Variants in CNTNAP2 observed in about 807,000 individuals in gnomAD.
The protein encoded by CNTNAP2 is contactin-associated protein-like 2.
A neutral mutation model predicts 155.2 loss-of-function variants in CNTNAP2; 98 were observed. That is an observed-to-expected ratio of 0.63 (90% CI 0.54 to 0.75). CNTNAP2 has a LOEUF of 0.75. CNTNAP2 is among the 30% of genes least tolerant of loss of function. The probability of loss-of-function intolerance (pLI) is 0.00; values close to 1 mark genes in which losing one functional copy is unlikely to be tolerated. For synonymous variants in CNTNAP2, 651 were observed against 631.2 expected (o/e 1.03, Z -0.47); for missense variants, 1,727 against 1,688.1 (o/e 1.02, Z -0.40).
intron 2 of CNTNAP2, among the ~76,000 whole-genome samples, chr7:146,811,505 A>T (rs1156957066): frequency 5.3e-5 from 8 of 151,540 alleles, no homozygotes; most frequent in African/African-American, 1.9e-4. Context: ...TTATAATTTT[A>T]TTTACTTTGT....
In CNTNAP2 at chr7:146,877,539, T is replaced by C. The variant is rs79138650; in HGVS notation, c.402+37635T>C. 4.3e-3 allele frequency among the ~76,000 whole-genome samples: 646 copies of C among 151,550 alleles called. 7 individuals carry two copies. Among genetic ancestry groups the C allele is most frequent in the African/African-American group, 0.014 (581 of 41,358 alleles). On this transcript the variant is annotated intron_variant, in intron 3 of 23. Coordinates refer to ENST00000361727, the MANE Select transcript of CNTNAP2 (RefSeq NM_014141.6). The stretch of plus-strand genomic sequence containing the variant: ...TATATATATAAAATATGTGTATATG[T>C]GTATATAAATAATATGTGTATACTA...
chr7:147,595,827 CT>C (rs1800817040), intron 12 of CNTNAP2, among the ~76,000 whole-genome samples: 1 of 152,164 alleles, frequency 6.6e-6, no homozygotes, highest in Admixed American at 6.5e-5. Context: ...TACACTGTGT[CT>C]AACTTAGAAT....
intron 1 of CNTNAP2, among the ~76,000 whole-genome samples, chr7:146,761,025 G>A (rs1802088110): frequency 6.6e-6 from 1 of 151,792 alleles, no homozygotes; most frequent in South Asian, 2.1e-4. Flanking sequence ...TGCCAAACAG[G>A]GTCAAATGAA....
chr7:147,602,322 C>G (rs1242147251), intron 12 of CNTNAP2, among the ~76,000 whole-genome samples: 1 of 150,526 alleles, frequency 6.6e-6, no homozygotes, highest in South Asian at 2.1e-4. Flanking sequence ...TCAATGAAAC[C>G]TAATGTTTGT....
At chr7:148,364,697 C>T (rs1201300042) in intron 21 of CNTNAP2, among the ~76,000 whole-genome samples, 2 of 152,282 alleles carry the variant, frequency 1.3e-5, no homozygotes, top group East Asian at 3.9e-4. Context: ...ATTGTAAACG[C>T]ACCAATCAGT....
chr7:148,345,940 GA>G (rs1798319338), intron 21 of CNTNAP2, among the ~76,000 whole-genome samples: 2 of 152,078 alleles, frequency 1.3e-5, no homozygotes, highest in African/African-American at 4.8e-5. Flanking sequence ...CTGGGCTTTG[GA>G]ATCTCTGTTG....
intron 12 of CNTNAP2, among the ~76,000 whole-genome samples, chr7:147,567,584 T>C (rs189487280): frequency 4.0e-4 from 61 of 152,188 alleles, no homozygotes; most frequent in Non-Finnish European, 6.9e-4. Flanking sequence ...TTGATGGGTA[T>C]TTAAGAAGAG....
At chr7:146,560,192 G>A (rs1276218898) in intron 1 of CNTNAP2, among the ~76,000 whole-genome samples, 1 of 152,058 alleles carries the variant, frequency 6.6e-6, no homozygotes, top group Non-Finnish European at 1.5e-5. Flanking sequence ...AGTCCACCAA[G>A]TCAAGGTGCA....
chr7:146,235,665 T>G (rs1398456982), intron 1 of CNTNAP2, among the ~76,000 whole-genome samples: 1 of 152,080 alleles, frequency 6.6e-6, no homozygotes, highest in African/African-American at 2.4e-5. Context: ...ACTTCCAGCC[T>G]GTGGTGTTTT....
At chr7:146,248,131 C>T (rs1324283665) in intron 1 of CNTNAP2, among the ~76,000 whole-genome samples, 6 of 150,786 alleles carry the variant, frequency 4.0e-5, no homozygotes, top group Admixed American at 6.6e-5. Context: ...GGCTGGGGCA[C>T]GGAAATAAGG....
intron 13 of CNTNAP2, among the ~76,000 whole-genome samples, chr7:147,652,717 G>A (rs1279914811): frequency 6.6e-6 from 1 of 151,732 alleles, no homozygotes; most frequent in East Asian, 1.9e-4. Context: ...AGTTAGAAAG[G>A]AAGGAAGGGG....
chr7:147,388,695 C>T (rs112705424), intron 9 of CNTNAP2, among the ~76,000 whole-genome samples: 1 of 152,148 alleles, frequency 6.6e-6, no homozygotes, highest in Non-Finnish European at 1.5e-5. Flanking sequence ...TTTCTCCTGC[C>T]TCAGTCTCCC....
At chr7:147,965,975 A>G (rs369692943) in intron 14 of CNTNAP2, among the ~76,000 whole-genome samples, 13 of 152,300 alleles carry the variant, frequency 8.5e-5, no homozygotes, top group East Asian at 1.9e-4. Flanking sequence ...TACAGACTTC[A>G]GAGATGGGTA....
chr7:147,562,549 A>G (rs1382254750), intron 12 of CNTNAP2, among the ~76,000 whole-genome samples: 1 of 152,200 alleles, frequency 6.6e-6, no homozygotes, highest in Non-Finnish European at 1.5e-5. Flanking sequence ...GTTCAGCCCA[A>G]AGAAAGAACT....
intron 14 of CNTNAP2, among the ~76,000 whole-genome samples, chr7:147,966,177 G>A (rs1366166827): frequency 2.6e-5 from 4 of 152,000 alleles, no homozygotes; most frequent in African/African-American, 9.7e-5. Flanking sequence ...TTTAGAAATG[G>A]CATCAAGAAG....
intron 1 of CNTNAP2, among the ~76,000 whole-genome samples, chr7:146,122,568 AACTAGTAAAGAATAAG>A (rs2116720961): frequency 6.6e-6 from 1 of 152,324 alleles, no homozygotes; most frequent in South Asian, 2.1e-4. Flanking sequence ...ATAGTTTAGA[AACTAGTAAAGAATAAG>A]ACTTGGTTTT....
intron 8 of CNTNAP2, among the ~76,000 whole-genome samples, chr7:147,259,777 G>A (rs369088933): frequency 3.3e-5 from 5 of 152,296 alleles, no homozygotes; most frequent in South Asian, 2.1e-4. Context: ...AAATCAATGC[G>A]AGGGTCAAAT....
intron 1 of CNTNAP2, among the ~76,000 whole-genome samples, chr7:146,565,557 G>T (rs187300551): frequency 7.9e-5 from 12 of 152,258 alleles, no homozygotes; most frequent in Admixed American, 4.6e-4. Flanking sequence ...TGTTTGAAGT[G>T]ATTTGCTTTT....
chr7:147,243,948 T>A (rs1803998194), intron 8 of CNTNAP2, among the ~76,000 whole-genome samples: 1 of 152,198 alleles, frequency 6.6e-6, no homozygotes, highest in Admixed American at 6.5e-5. Context: ...AAATAGGTCT[T>A]ATTGAAGACA....
Sources: gnomAD v4.1 joint callset for allele counts (sites outside exome capture counted in the v4.1 genomes callset) on GRCh38, gnomAD v4.1.1 for gene constraint, MANE v1.5 for transcripts, NCBI Gene and HGNC (gene_info 2026-07-23, HGNC 2026-07-21) for gene names.